The following LIMS1 variants were observed in gnomAD, a reference collection of about 807,000 sequenced individuals.
LIMS1 encodes the protein LIM and senescent cell antigen-like-containing domain protein 1.
Under a neutral mutation model 44.1 loss-of-function variants are expected in LIMS1, and 18 were observed. The observed-to-expected ratio is 0.41, with a 90% confidence interval of 0.28 to 0.61. LIMS1 has a LOEUF of 0.61. Among genes scored for constraint, LIMS1 ranks in the 20% least tolerant of loss-of-function variants. LIMS1 has a pLI of 0.32. For synonymous variants in LIMS1, 93 were observed against 149.1 expected (o/e 0.62, Z 2.74); for missense variants, 201 against 422.0 (o/e 0.48, Z 4.59).
Position 108,602,974 on chromosome 2 carries a change from G to T in LIMS1, c.33-56631G>T, listed in dbSNP as rs1386583867. Among the ~76,000 whole-genome samples the T allele has an allele frequency of 5.9e-5, 9 of 152,016 alleles. 1 individual carries two copies. The South Asian group carries it at 1.2e-3, about 21-fold the overall frequency. On this transcript the variant is annotated intron_variant, in intron 1 of 9. Coordinates refer to ENST00000544547, the Ensembl canonical transcript of LIMS1. ...GCAGGGACTTATTTGTATTTTTAGG[G>T]TTTCGTCATGGTACCCAGCCAGGCT...
intron 1 of LIMS1, among the ~76,000 whole-genome samples, chr2:108,624,992 T>C (rs753058842): frequency 6.6e-5 from 10 of 152,068 alleles, no homozygotes; most frequent in Non-Finnish European, 1.5e-4. Flanking sequence ...GGCACGAGAA[T>C]TGTTTGAGCC....
At chr2:108,661,943 G>A (rs826677) in intron 2 of LIMS1, among the ~76,000 whole-genome samples, 56,883 of 151,858 alleles carry the variant, frequency 0.37, 11,263 homozygotes, top group Middle Eastern at 0.52. Flanking sequence ...GCAGGTTTGC[G>A]ACATGAAAGA....
intron 1 of LIMS1, among the ~76,000 whole-genome samples, chr2:108,623,564 A>C (rs1009040129): frequency 6.6e-6 from 1 of 152,190 alleles, no homozygotes; most frequent in African/African-American, 2.4e-5. Flanking sequence ...TTGAGTGCCT[A>C]CTATTTGCAA....
intron 9 of LIMS1, chr2:108,681,660 C>A: frequency 1.1e-6 from 1 of 879,478 alleles, no homozygotes; most frequent in Non-Finnish European, 1.4e-6. Context: ...GTGGCTCACG[C>A]CTGTAATCCC....
At chr2:108,679,955 T>C (rs1573628537) in intron 8 of LIMS1, among the ~76,000 whole-genome samples, 2 of 152,196 alleles carry the variant, frequency 1.3e-5, no homozygotes, top group East Asian at 3.9e-4. Context: ...CTGGGCATGG[T>C]GGCTCATGCC....
At chr2:108,673,387 A>AT (rs958754768) in intron 5 of LIMS1, 47 of 316,424 alleles carry the variant, frequency 1.5e-4, no homozygotes, top group South Asian at 2.7e-4. Flanking sequence ...CTTTTTGTAA[A>AT]TTTTTTTTTG....
At chr2:108,642,346 T>G (rs1420171287) in intron 1 of LIMS1, among the ~76,000 whole-genome samples, 1 of 63,838 alleles carries the variant, frequency 1.6e-5, no homozygotes, top group African/African-American at 6.3e-5. Flanking sequence ...TTTTTTGTTT[T>G]TTTTTTTTTT....
chr2:108,534,412 C>T (rs1178201224), exon 1 of LIMS1: 4 of 415,222 alleles, frequency 9.6e-6, no homozygotes, highest in African/African-American at 2.2e-5. Context: ...TCCCCCCCCT[C>T]CCGCGCCCCC....
intron 6 of LIMS1, 22 bp downstream of exon 6, chr2:108,676,050 G>T (rs768579462): frequency 6.3e-7 from 1 of 1,599,656 alleles, no homozygotes; most frequent in Non-Finnish European, 8.5e-7. Flanking sequence ...ATGGCAAAGG[G>T]TAACCAATCC....
At chr2:108,537,231 G>A (rs190429667) in intron 1 of LIMS1, among the ~76,000 whole-genome samples, 192 of 152,208 alleles carry the variant, frequency 1.3e-3, no homozygotes, top group Admixed American at 7.3e-3. Flanking sequence ...TTGATCTCTC[G>A]GATCCCTTAG....
At chr2:108,541,418 T>C (rs1684310956) in intron 1 of LIMS1, among the ~76,000 whole-genome samples, 2 of 152,226 alleles carry the variant, frequency 1.3e-5, no homozygotes. Flanking sequence ...TTTCTCCTTC[T>C]CAGTGCAGTA....
chr2:108,621,546 G>A (rs957889171), intron 1 of LIMS1: 6 of 949,594 alleles, frequency 6.3e-6, no homozygotes, highest in South Asian at 2.8e-5. Flanking sequence ...TGGATGCAGC[G>A]TTGGGAAGTA....
At chr2:108,609,047 G>A (rs377523295) in intron 1 of LIMS1, among the ~76,000 whole-genome samples, 3 of 152,286 alleles carry the variant, frequency 2.0e-5, no homozygotes, top group South Asian at 2.1e-4. Context: ...CTGAGGTGGC[G>A]TCTTTCTGAA....
Position 108,654,363 on chromosome 2 carries a change from A to G in LIMS1, c.33-5242A>G, listed in dbSNP as rs558811225. Among the ~76,000 whole-genome samples the G allele has an allele frequency of 4.6e-5, 7 of 152,002 alleles. No individual in the cohort carries two copies. The South Asian group carries it at 1.5e-3, about 32-fold the overall frequency. On this transcript the variant is annotated intron_variant, in intron 1 of 9. Coordinates refer to ENST00000544547, the Ensembl canonical transcript of LIMS1. ...AGTCCAGTAGAAGAGTTATAACTAA[A>G]CACTGGCCCTTGTCTGTTTCCACTT...
intron 1 of LIMS1, among the ~76,000 whole-genome samples, chr2:108,544,028 T>C (rs978252070): frequency 2.0e-5 from 3 of 152,160 alleles, no homozygotes; most frequent in Non-Finnish European, 4.4e-5. Flanking sequence ...TCTTTCTTTC[T>C]CTGTCTTTCT....
intron 1 of LIMS1, among the ~76,000 whole-genome samples, chr2:108,606,762 C>T (rs1687289896): frequency 1.3e-5 from 2 of 152,122 alleles, no homozygotes; most frequent in South Asian, 4.1e-4. Flanking sequence ...GAAGGCTCCA[C>T]CAAATGGGAA....
At chr2:108,566,513 T>C (rs991674063) in intron 1 of LIMS1, among the ~76,000 whole-genome samples, 2 of 152,194 alleles carry the variant, frequency 1.3e-5, no homozygotes, top group African/African-American at 4.8e-5. Context: ...AGTTTCAAAT[T>C]TGAGTCTGTA....
chr2:108,586,378 T>A (rs191029303), intron 1 of LIMS1, among the ~76,000 whole-genome samples: 60 of 152,270 alleles, frequency 3.9e-4, no homozygotes, highest in African/African-American at 1.4e-3. Flanking sequence ...TGGATGTGAG[T>A]TTATGGACTG....
chr2:108,534,959 C>T (rs1050557195), intron 1 of LIMS1, among the ~76,000 whole-genome samples: 2 of 152,186 alleles, frequency 1.3e-5, no homozygotes, highest in African/African-American at 4.8e-5. Context: ...ACTAGAGGAC[C>T]TGGAATGGTG....
Sources: allele counts gnomAD v4.1 joint callset (sites outside exome capture counted in the v4.1 genomes callset), GRCh38; gene constraint gnomAD v4.1.1; transcripts MANE v1.5; gene names NCBI Gene and HGNC (gene_info 2026-07-23, HGNC 2026-07-21).